Variants in AFAP1L2 observed in about 807,000 individuals in gnomAD.
AFAP1L2 encodes actin filament associated protein 1 like 2.
A neutral mutation model predicts 99.3 loss-of-function variants in AFAP1L2; 46 were observed. The ratio of observed to expected loss-of-function variants is 0.46; its 90% CI spans 0.37 to 0.59. The LOEUF (loss-of-function observed/expected upper bound fraction) is 0.59. Among genes scored for constraint, AFAP1L2 ranks in the 20% least tolerant of loss-of-function variants. The pLI is 0.00. For missense variants in AFAP1L2, 959 were observed against 1,034.9 expected, an observed-to-expected ratio of 0.93 and a Z score of 1.01; for synonymous variants, 397 against 419.1, an observed-to-expected ratio of 0.95 and a Z score of 0.64.
rs2134036588 is a variant in AFAP1L2 at position 114,301,591 on chromosome 10, C to CTGACACTCACCTCCA, written c.1431-141_1431-127dup. On this transcript the variant is annotated intron_variant, in intron 12 of 18. Transcript: ENST00000304129. ...GGTGGCCACACAAGAGATCTGGGGG[C>CTGACACTCACCTCCA]TGACACTCACCTCCATGGATCTGAG... 4.4e-6 allele frequency: 3 copies of CTGACACTCACCTCCA among 678,726 alleles called. No homozygotes were observed. In the South Asian group the frequency reaches 5.0e-5, roughly 11 times the overall value. The allele number at this position is 678,726 out of a possible 1,614,324, so 42.0% of individuals were successfully genotyped here.
At chr10:114,369,412 G>A (rs950317443) in intron 1 of AFAP1L2, among the ~76,000 whole-genome samples, 1 of 152,054 alleles carries the variant, frequency 6.6e-6, no homozygotes, top group Non-Finnish European at 1.5e-5. Context: ...TGGCTAACAT[G>A]GTGAAACCCC....
intron 5 of AFAP1L2, among the ~76,000 whole-genome samples, chr10:114,316,073 C>T (rs1294592845): frequency 3.9e-5 from 6 of 152,276 alleles, no homozygotes; most frequent in Non-Finnish European, 8.8e-5. Flanking sequence ...TGAGAAGACA[C>T]TGCCCCACAG....
chr10:114,306,318 G>GGAGGGGACGCGGGGGCAC (rs1260539145), intron 10 of AFAP1L2, among the ~76,000 whole-genome samples: 6 of 149,032 alleles, frequency 4.0e-5, no homozygotes, highest in African/African-American at 1.5e-4. Context: ...CGCAGATCCA[G>GGAGGGGACGCGGGGGCAC]GAGGGGACGC....
chr10:114,342,601 G>A (rs950762212), intron 1 of AFAP1L2, among the ~76,000 whole-genome samples: 2 of 152,176 alleles, frequency 1.3e-5, no homozygotes, highest in Admixed American at 6.5e-5. Context: ...AAGAGTCAGG[G>A]AGATAAGATG....
intron 1 of AFAP1L2, among the ~76,000 whole-genome samples, chr10:114,355,783 G>A (rs1256902435): frequency 1.3e-5 from 2 of 151,994 alleles, no homozygotes; most frequent in African/African-American, 2.4e-5. Context: ...ACCAGCCTGC[G>A]CAACATGCAA....
intron 9 of AFAP1L2, 145 bp downstream of exon 9, chr10:114,308,288 T>A: frequency 1.5e-6 from 1 of 684,142 alleles, no homozygotes; most frequent in South Asian, 1.9e-5. Context: ...GTCTCCCTTT[T>A]TCCTGGATCT....
intron 7 of AFAP1L2, among the ~76,000 whole-genome samples, chr10:114,311,500 A>G (rs2043228413): frequency 6.6e-6 from 1 of 152,244 alleles, no homozygotes; most frequent in South Asian, 2.1e-4. Flanking sequence ...GGAAGAGCAC[A>G]GGCACTAGGG....
chr10:114,357,079 T>C (rs1380182496), intron 1 of AFAP1L2, among the ~76,000 whole-genome samples: 4 of 152,210 alleles, frequency 2.6e-5, no homozygotes, highest in Non-Finnish European at 2.9e-5. Flanking sequence ...AGTTGGACCA[T>C]TGTTTTTCTT....
At chr10:114,384,015 C>T (rs1331869673) in intron 1 of AFAP1L2, among the ~76,000 whole-genome samples, 2 of 152,202 alleles carry the variant, frequency 1.3e-5, no homozygotes, top group Non-Finnish European at 2.9e-5. Context: ...CTCCCTTGGC[C>T]CCAGTGCCCT....
chr10:114,390,521 G>A (rs2057005452), intron 1 of AFAP1L2, among the ~76,000 whole-genome samples: 1 of 152,142 alleles, frequency 6.6e-6, no homozygotes, highest in African/African-American at 2.4e-5. Context: ...AGGAGTTCAA[G>A]ACCAGCCTGA....
At chr10:114,289,345 A>G in the AFAP1L2 span, 1 of 1,614,254 alleles carries the variant, frequency 6.2e-7, no homozygotes, top group African/African-American at 1.3e-5. Flanking sequence ...GAACAATGGC[A>G]TCTCTGTCTT....
intron 4 of AFAP1L2, among the ~76,000 whole-genome samples, chr10:114,330,342 C>G: frequency 6.6e-6 from 1 of 152,160 alleles, no homozygotes; most frequent in African/African-American, 2.4e-5. Context: ...GACCCAAGAC[C>G]CCCTGGCTAC....
rs536019339 is a variant in AFAP1L2, at chr10:114,344,935, A to G, written c.17-4204T>C. On this transcript the variant is annotated intron_variant, in intron 1 of 18. Transcript: ENST00000304129. ...AACCTGGCAAAACCCTGTCTCTACT[A>G]AAAATACAAAAACTAGCCAGGGGTG... is the stretch of plus-strand genomic sequence containing the variant. 7.9e-5 allele frequency among the ~76,000 whole-genome samples: 12 copies of G among 152,102 alleles called. No individual in the cohort carries two copies. The East Asian group carries it at 1.6e-3, about 20-fold the overall frequency.
intron 1 of AFAP1L2, among the ~76,000 whole-genome samples, chr10:114,376,906 C>G (rs2054880982): frequency 6.6e-6 from 1 of 152,134 alleles, no homozygotes; most frequent in South Asian, 2.1e-4. Flanking sequence ...CCCTAGAAGT[C>G]ACCACCCACA....
intron 4 of AFAP1L2, among the ~76,000 whole-genome samples, chr10:114,328,755 G>C (rs1303933914): frequency 6.6e-6 from 1 of 152,230 alleles, no homozygotes; most frequent in Non-Finnish European, 1.5e-5. Context: ...CTTGGACTAA[G>C]AGTGATGGCT....
At position 114,297,202 on chromosome 10, in the gene AFAP1L2, C is replaced by T. The variant is rs757059719; in HGVS notation, c.2307+18G>A. ...GGAGCCCTGCAAGCAGCCCAGAGGC[C>T]GCAGTTCCAGCACTCACGCGGGGGC... On this transcript the variant is annotated intron_variant, in intron 17 of 18. Transcript: ENST00000304129. The T allele has an allele frequency of 1.4e-5, 23 of 1,611,526 alleles. No homozygotes were observed. Among genetic ancestry groups the T allele is most frequent in the South Asian group, 5.5e-5 (5 of 90,916 alleles).
At chr10:114,356,483 AG>A in intron 1 of AFAP1L2, among the ~76,000 whole-genome samples, 1 of 152,358 alleles carries the variant, frequency 6.6e-6, no homozygotes, top group South Asian at 2.1e-4. Flanking sequence ...TGAGTTAAAT[AG>A]TCTATTCTTA....
chr10:114,304,128 G>A (rs955993567), intron 11 of AFAP1L2, among the ~76,000 whole-genome samples: 1 of 152,184 alleles, frequency 6.6e-6, no homozygotes, highest in Non-Finnish European at 1.5e-5. Flanking sequence ...CAGAGGGCAG[G>A]ATTGGAGCAA....
At position 114,295,966 on chromosome 10, in the gene AFAP1L2, T is replaced by C. The variant is rs2040146442; in HGVS notation, c.*76A>G. On this transcript the variant is annotated 3_prime_UTR_variant, in exon 19 of 19. Transcript: ENST00000304129. ...TTCTAAACAGACTCACCCTTTCGCA[T>C]AGTTTTTGCTTTAACAAAGCAGGAT... 2 of 1,612,452 alleles carry C rather than the reference T, an allele frequency of 1.2e-6. No individual in the cohort carries two copies. Among genetic ancestry groups the C allele is most frequent in the Non-Finnish European group, 8.5e-7 (1 of 1,178,946 alleles).
Sources: gnomAD v4.1 joint callset for allele counts (sites outside exome capture counted in the v4.1 genomes callset) on GRCh38, gnomAD v4.1.1 for gene constraint, MANE v1.5 for transcripts, NCBI Gene and HGNC (gene_info 2026-07-23, HGNC 2026-07-21) for gene names.